SOX5: variants seen among roughly 807,000 people sequenced by gnomAD.
The protein encoded by SOX5 is SRY-box transcription factor 5.
Under a neutral mutation model 92.0 loss-of-function variants are expected in SOX5, and 9 were observed. The ratio of observed to expected loss-of-function variants is 0.10; its 90% CI spans 0.06 to 0.17. The LOEUF is 0.17. SOX5 is among the 10% of genes least tolerant of loss of function. SOX5 has a pLI of 1.00. For synonymous variants in SOX5, 344 were observed against 336.3 expected (o/e 1.02, Z -0.25); for missense variants, 642 against 944.5 (o/e 0.68, Z 4.20).
At chr12:24,253,225 CT>C (rs975372439) in intron 3 of SOX5, among the ~76,000 whole-genome samples, 1 of 150,196 alleles carries the variant, frequency 6.7e-6, no homozygotes, top group Non-Finnish European at 1.5e-5. Flanking sequence ...TATTTGAATT[CT>C]TGTTCAGCTC....
intron 4 of SOX5, among the ~76,000 whole-genome samples, chr12:23,984,183 T>C (rs1296014785): frequency 7.9e-5 from 12 of 152,138 alleles, no homozygotes; most frequent in Non-Finnish European, 1.8e-4. Context: ...GAGATATTAA[T>C]ATAATAATGT....
intron 4 of SOX5, among the ~76,000 whole-genome samples, chr12:23,979,591 G>A (rs1035349362): frequency 6.1e-5 from 9 of 146,348 alleles, no homozygotes; most frequent in African/African-American, 2.3e-4. Context: ...AAAAGAAAAT[G>A]TAATCTTACA....
At chr12:23,556,147 T>C (rs1945136091) in intron 11 of SOX5, among the ~76,000 whole-genome samples, 1 of 152,100 alleles carries the variant, frequency 6.6e-6, no homozygotes, top group Non-Finnish European at 1.5e-5. Context: ...CTAGCTAAGA[T>C]ACTCAGAATT....
chr12:24,358,352 A>T (rs1177460791), intron 2 of SOX5, among the ~76,000 whole-genome samples: 1 of 152,258 alleles, frequency 6.6e-6, no homozygotes, highest in Non-Finnish European at 1.5e-5. Context: ...CAATCCAATA[A>T]TCATTAGTGA....
intron 3 of SOX5, among the ~76,000 whole-genome samples, chr12:23,796,881 ATATATATAAATATTTATATATATATT>A (rs1189888948): frequency 7.3e-6 from 1 of 137,408 alleles, no homozygotes; most frequent in Non-Finnish European, 1.5e-5. Context: ...TTATATATAA[ATATATATAAATATTTATATATATATT>A]TATATATATA....
chr12:23,802,207 G>A (rs1489463874), intron 3 of SOX5, among the ~76,000 whole-genome samples: 1 of 151,992 alleles, frequency 6.6e-6, no homozygotes, highest in African/African-American at 2.4e-5. Flanking sequence ...CCGAGTAGCT[G>A]GGACTACAGG....
At chr12:24,104,452 A>T (rs1569543284) in intron 4 of SOX5, among the ~76,000 whole-genome samples, 1 of 152,220 alleles carries the variant, frequency 6.6e-6, no homozygotes, top group Non-Finnish European at 1.5e-5. Context: ...ATCTGACATT[A>T]TACAGATTCA....
At chr12:24,218,054 G>A (rs1406943965) in intron 3 of SOX5, among the ~76,000 whole-genome samples, 1 of 152,152 alleles carries the variant, frequency 6.6e-6, no homozygotes, top group Non-Finnish European at 1.5e-5. Flanking sequence ...AGCTGCTATG[G>A]AAAGTGGTTT....
At chr12:24,430,251 G>A (rs957367497) in intron 1 of SOX5, among the ~76,000 whole-genome samples, 3 of 152,068 alleles carry the variant, frequency 2.0e-5, no homozygotes, top group Non-Finnish European at 4.4e-5. Flanking sequence ...GGTGTTTGCT[G>A]ACTGGCCAGG....
At chr12:23,578,346 G>T (rs1949562030) in intron 9 of SOX5, among the ~76,000 whole-genome samples, 1 of 150,342 alleles carries the variant, frequency 6.7e-6, no homozygotes, top group African/African-American at 2.5e-5. Context: ...TTGTTAGAAA[G>T]GCAAATTCTC....
At position 23,532,768 on chromosome 12, in the gene SOX5, G is replaced by A. The variant is rs1939358527; in HGVS notation, c.*1451C>T. On this transcript the variant is annotated 3_prime_UTR_variant, in exon 15 of 15. Coordinates refer to ENST00000451604, the MANE Select transcript of SOX5 (RefSeq NM_006940.6). ...CTAAAGGCCTCCACCTCACTTCATG[G>A]AGGGGTGAAAAATACCTTATAAAAT... 1 of 158,192 alleles carries A rather than the reference G, an allele frequency of 6.3e-6. No homozygotes were observed. The highest frequency in any genetic ancestry group is 1.4e-5 in the Non-Finnish European group (1 of 71,738). The allele number at this position is 158,192 out of a possible 1,614,324, so 9.8% of individuals were successfully genotyped here.
At position 23,534,253 on chromosome 12, in the gene SOX5, T is replaced by C; in HGVS notation, c.2258A>G (p.Asp753Gly). Residue 753 changes from aspartate to glycine, a missense_variant, in exon 15 of 15, where the codon GAC becomes GGC. By Grantham distance (94) the Asp-to-Gly change is moderately conservative. Coordinates refer to ENST00000451604, the MANE Select transcript of SOX5 (RefSeq NM_006940.6). ...EDDPDVDYGSDSENHIAGQAN is the reference protein window; with the variant it reads ...EDDPDVDYGSGSENHIAGQAN ...TTGTCCTGCAATATGGTTTTCACTGTCACTCCCATAATCTACATCTGGATC... is the reference window on the plus strand; with the variant it reads ...TTGTCCTGCAATATGGTTTTCACTGCCACTCCCATAATCTACATCTGGATC... 6.2e-7 allele frequency: 1 copy of C among 1,614,166 alleles called. No homozygotes were observed. The highest frequency in any genetic ancestry group is 8.5e-7 in the Non-Finnish European group (1 of 1,179,988).
At chr12:24,281,785 A>G (rs1945232261) in intron 2 of SOX5, among the ~76,000 whole-genome samples, 1 of 152,188 alleles carries the variant, frequency 6.6e-6, no homozygotes, top group Non-Finnish European at 1.5e-5. Context: ...TCTTTTTTAT[A>G]TTATTTCATT....
intron 3 of SOX5, among the ~76,000 whole-genome samples, chr12:24,261,733 C>G (rs1163764977): frequency 2.0e-5 from 3 of 152,182 alleles, no homozygotes; most frequent in Non-Finnish European, 4.4e-5. Context: ...TGTCTCTGCA[C>G]CTTTGTGCAT....
At chr12:24,358,951 G>GTATA (rs1955191933) in intron 2 of SOX5, among the ~76,000 whole-genome samples, 1 of 152,162 alleles carries the variant, frequency 6.6e-6, no homozygotes, top group South Asian at 2.1e-4. Context: ...TAGAAAGGAG[G>GTATA]TATATATCTA....
intron 12 of SOX5, among the ~76,000 whole-genome samples, chr12:23,545,862 A>C (rs7304186): frequency 0.55 from 83,287 of 150,186 alleles, 23,238 homozygotes; most frequent in East Asian, 0.73. Flanking sequence ...CATAGTAAGT[A>C]AGTCCTCATC....
intron 1 of SOX5, among the ~76,000 whole-genome samples, chr12:24,494,740 G>A (rs999614718): frequency 1.3e-5 from 2 of 151,768 alleles, no homozygotes; most frequent in East Asian, 1.9e-4. Flanking sequence ...CCCTTAAAAC[G>A]AACTACTAAT....
chr12:24,351,346 C>T (rs1008758221), intron 2 of SOX5, among the ~76,000 whole-genome samples: 1 of 152,154 alleles, frequency 6.6e-6, no homozygotes, highest in Non-Finnish European at 1.5e-5. Flanking sequence ...AAATTTGACC[C>T]AGAACAGACA....
intron 13 of SOX5, among the ~76,000 whole-genome samples, chr12:23,541,947 C>T (rs1222319019): frequency 3.3e-5 from 5 of 152,114 alleles, no homozygotes; most frequent in Non-Finnish European, 7.4e-5. Context: ...CCTCTCTCTG[C>T]GAAAATACAA....
Sources: gnomAD v4.1 joint callset for allele counts (sites outside exome capture counted in the v4.1 genomes callset) on GRCh38, gnomAD v4.1.1 for gene constraint, MANE v1.5 for transcripts, NCBI Gene and HGNC (gene_info 2026-07-23, HGNC 2026-07-21) for gene names.